MYOZ1: variants seen among roughly 807,000 people sequenced by gnomAD.
MYOZ1 encodes myozenin 1.
MYOZ1 carries 20 observed loss-of-function variants against 28.7 expected under a neutral mutation model. That is an observed-to-expected ratio of 0.70 (90% confidence interval 0.49 to 1.01). The LOEUF (loss-of-function observed/expected upper bound fraction) is 1.01, where lower values mean the gene tolerates loss of function less well. Among genes scored for constraint, MYOZ1 ranks in the 50% least tolerant of loss-of-function variants. The pLI is 0.00. For synonymous variants in MYOZ1, 144 were observed against 145.8 expected (o/e 0.99, Z 0.09); for missense variants, 371 against 372.4 (o/e 1.00, Z 0.03).
chr10:73,638,965 CTTT>C (rs71482555), intron 2 of MYOZ1, among the ~76,000 whole-genome samples: 5 of 99,372 alleles, frequency 5.0e-5, no homozygotes, highest in Admixed American at 2.2e-4. Context: ...CACGCCTGGA[CTTT>C]TTTTTTTTTT....
chr10:73,639,627 C>A (rs979080995), intron 2 of MYOZ1, among the ~76,000 whole-genome samples: 1 of 152,160 alleles, frequency 6.6e-6, no homozygotes, highest in African/African-American at 2.4e-5. Flanking sequence ...CTTATTGAGA[C>A]CTGAGTCTGT....
chr10:73,638,021 G>A (rs1451235503), intron 2 of MYOZ1, 99 bp from the exon 3 acceptor site: 1 of 1,117,174 alleles, frequency 9.0e-7, no homozygotes. Context: ...GTGTATGTGT[G>A]TCCTGGCAGA....
In MYOZ1 at chr10:73,634,492, G is replaced by C. The variant is rs1184077368; in HGVS notation, c.494C>G (p.Thr165Arg). Residue 165 changes from threonine (T) to arginine (R), a missense_variant, in exon 4 of 6, where the codon ACA becomes AGA. By Grantham distance (71) the Thr-to-Arg change is moderately conservative. Transcript: ENST00000359322. Reference protein sequence around the residue: ...GAAGTAGVGETGSGDQAGGEG... With the variant: ...GAAGTAGVGERGSGDQAGGEG... ...TGGGTGAGTGTACTTGCCTGATCCTGTCTCACCAACCCCTGCTGTGCCAGC... is the reference window on the plus strand; with the variant it reads ...TGGGTGAGTGTACTTGCCTGATCCTCTCTCACCAACCCCTGCTGTGCCAGC... The C allele has an allele frequency of 4.3e-6, 7 of 1,614,042 alleles. No homozygotes were observed. Among genetic ancestry groups the C allele is most frequent in the Admixed American group, 1.7e-5 (1 of 60,018 alleles).
In MYOZ1 at chr10:73,633,894, C is replaced by A; in HGVS notation, c.668+6G>T. Reference sequence around the variant, plus strand: ...ATGCATCTGGTTCCTTCCTCACCACCCCTACCTGTTGAAGGACTTATATTT... The same window carrying A: ...ATGCATCTGGTTCCTTCCTCACCACACCTACCTGTTGAAGGACTTATATTT... On this transcript the variant is annotated splice_donor_region_variant and intron_variant, in intron 5 of 5. Transcript: ENST00000359322. 6.2e-7 allele frequency: 1 copy of A among 1,603,996 alleles called. No individual in the cohort carries two copies. The highest frequency in any genetic ancestry group is 8.5e-7 in the Non-Finnish European group (1 of 1,174,614).
intron 3 of MYOZ1, 129 bp downstream of exon 3, chr10:73,637,615 C>A: frequency 1.1e-6 from 1 of 929,872 alleles, no homozygotes; most frequent in Non-Finnish European, 1.6e-6. Context: ...CTCAATATAT[C>A]TGGGGGTTTA....
rs573125159 is a variant in MYOZ1 at position 73,633,421 on chromosome 10, G to A, written c.668+479C>T. On this transcript the variant is annotated intron_variant, in intron 5 of 5. Coordinates refer to ENST00000359322, the MANE Select transcript of MYOZ1 (RefSeq NM_021245.4). The stretch of plus-strand genomic sequence containing the variant: ...CAAGAGGCCTTCAGACATGTAAAAT[G>A]TTATTCGCATTTAACATTCAAAGCA... 3.3e-5 allele frequency among the ~76,000 whole-genome samples: 5 copies of A among 151,732 alleles called. No homozygotes were observed. The East Asian group carries it at 5.9e-4, about 18-fold the overall frequency.
chr10:73,637,400 C>T (rs2081673760), intron 3 of MYOZ1, among the ~76,000 whole-genome samples: 1 of 152,142 alleles, frequency 6.6e-6, no homozygotes, highest in Admixed American at 6.5e-5. Context: ...AAAAATTATT[C>T]ATTGTGTATC....
In MYOZ1 at chr10:73,640,041, C is replaced by T; in HGVS notation, c.-18-6G>A. 6 of 1,612,202 alleles carry T rather than the reference C, an allele frequency of 3.7e-6. No individual in the cohort carries two copies. Among genetic ancestry groups the T allele is most frequent in the Non-Finnish European group, 4.2e-6 (5 of 1,178,800 alleles). On this transcript the variant is annotated splice_polypyrimidine_tract_variant and splice_region_variant and intron_variant, in intron 1 of 5. Coordinates refer to ENST00000359322, the MANE Select transcript of MYOZ1 (RefSeq NM_021245.4). Reference sequence around the variant, plus strand: ...ATTGTGGAGGTGGATTCAGCCTGGACAGGGTGGGAAGGAGGAGTTGGTGGA... The same window carrying T: ...ATTGTGGAGGTGGATTCAGCCTGGATAGGGTGGGAAGGAGGAGTTGGTGGA...
At position 73,631,941 on chromosome 10, in the gene MYOZ1, C is replaced by CT; in HGVS notation, c.888dup (p.Glu297ArgfsTer10). On this transcript the variant is annotated frameshift_variant, in exon 6 of 6. Transcript: ENST00000359322. LOFTEE classifies it high-confidence loss of function. ...GAGGAGGAAACACCTCACAGCTCCT[C>CT]TGTTTCTCCATCCAAGGGGATGCCA... 1 of 1,613,872 alleles carries CT rather than the reference C, an allele frequency of 6.2e-7. No individual in the cohort carries two copies. Among genetic ancestry groups the CT allele is most frequent in the Non-Finnish European group, 8.5e-7 (1 of 1,179,836 alleles).
chr10:73,633,427 C>T (rs539908882), intron 5 of MYOZ1, among the ~76,000 whole-genome samples: 4 of 151,518 alleles, frequency 2.6e-5, no homozygotes, highest in East Asian at 2.0e-4. Context: ...AAATGTTATT[C>T]GCATTTAACA....
At chr10:73,637,147 G>C (rs2132407465) in intron 3 of MYOZ1, among the ~76,000 whole-genome samples, 1 of 151,020 alleles carries the variant, frequency 6.6e-6, no homozygotes, top group South Asian at 2.1e-4. Flanking sequence ...TGAGTACCTG[G>C]GATCACAGGA....
chr10:73,636,731 C>T (rs764194040), intron 3 of MYOZ1, among the ~76,000 whole-genome samples: 2 of 152,160 alleles, frequency 1.3e-5, no homozygotes, highest in Non-Finnish European at 2.9e-5. Context: ...GCTGGGATTA[C>T]AGGTGTGAGC....
At chr10:73,633,369 A>G (rs1203712550) in intron 5 of MYOZ1, among the ~76,000 whole-genome samples, 1 of 152,138 alleles carries the variant, frequency 6.6e-6, no homozygotes. Context: ...GAATAATGGC[A>G]TCCTAACCTT....
chr10:73,633,900 C>G lies in MYOZ1; in HGVS notation c.668G>C (p.Arg223Thr), dbSNP rs1589445296. Residue 223 changes from arginine (R) to threonine (T), a missense_variant and splice_region_variant, in exon 5 of 6, where the codon AGG (arginine) becomes ACG (threonine). Transcript: ENST00000359322. Reference protein sequence around the residue: ...AELPKYKSFNRTAMPYGGYEK... With the variant: ...AELPKYKSFNTTAMPYGGYEK... ...CTGGTTCCTTCCTCACCACCCCTAC[C>G]TGTTGAAGGACTTATATTTGGGAAG... 4 of 1,605,042 alleles carry G rather than the reference C, an allele frequency of 2.5e-6. No individual in the cohort carries two copies. The East Asian group carries it at 9.0e-5, about 36-fold the overall frequency.
chr10:73,632,109 G>C lies in MYOZ1; in HGVS notation c.721C>G (p.Gln241Glu), dbSNP rs747847419. The part of the protein sequence containing the change: ...YEKASKRMTF[Q>E]MPKFDLGPLL... Reference sequence around the variant, plus strand: ...GGCCCCAGGTCAAACTTGGGCATCTGGAAGGTCATGCGTTTGGAGGCCTTC... The same window carrying C: ...GGCCCCAGGTCAAACTTGGGCATCTCGAAGGTCATGCGTTTGGAGGCCTTC... The change falls in exon 6 of 6, where the codon CAG (glutamine) becomes GAG (glutamate). Residue 241 changes from glutamine (Q) to glutamate (E), a missense_variant. Transcript: ENST00000359322. 1 of 1,614,176 alleles carries C rather than the reference G, an allele frequency of 6.2e-7. No homozygotes were observed. The highest frequency in any genetic ancestry group is 1.1e-5 in the South Asian group (1 of 91,072).
intron 5 of MYOZ1, among the ~76,000 whole-genome samples, chr10:73,633,527 G>A (rs550202082): frequency 5.3e-5 from 8 of 151,968 alleles, no homozygotes; most frequent in African/African-American, 9.7e-5. Context: ...CCAGGAGTTC[G>A]AGACCTGCCT....
At chr10:73,635,783 C>A (rs752896911) in intron 3 of MYOZ1, among the ~76,000 whole-genome samples, 2 of 152,156 alleles carry the variant, frequency 1.3e-5, no homozygotes, top group Non-Finnish European at 2.9e-5. Flanking sequence ...GTCCAACAGT[C>A]AGAACTCTCT....
chr10:73,640,890 G>A (rs936544428), intron 1 of MYOZ1, among the ~76,000 whole-genome samples: 1 of 152,104 alleles, frequency 6.6e-6, no homozygotes, highest in Non-Finnish European at 1.5e-5. Context: ...GGAAGTCATG[G>A]CCCTGCTCCT....
chr10:73,637,767 C>G lies in MYOZ1; in HGVS notation c.229G>C (p.Asp77His), dbSNP rs774145314. The G allele has an allele frequency of 3.1e-6, 5 of 1,613,556 alleles. No individual in the cohort carries two copies. The South Asian group carries it at 4.4e-5, about 14-fold the overall frequency. Residue 77 changes from aspartate (D) to histidine (H), a missense_variant, in exon 3 of 6, where the codon GAT becomes CAT. By Grantham distance (81) the Asp-to-His change is moderately conservative. Coordinates refer to ENST00000359322, the MANE Select transcript of MYOZ1 (RefSeq NM_021245.4). ...ACCATTGAGCTGTCAGAGAAAACAT[C>G]AGGGTGGTTCTCATAAATAAACTTC... ...VEKFIYENHP[D>H]VFSDSSMDHF...
Sources: allele counts gnomAD v4.1 joint callset (sites outside exome capture counted in the v4.1 genomes callset), GRCh38; gene constraint gnomAD v4.1.1; transcripts MANE v1.5; gene names NCBI Gene and HGNC (gene_info 2026-07-23, HGNC 2026-07-21).